The following TFG variants were observed in gnomAD, a reference collection of about 807,000 sequenced individuals.
TFG encodes protein TFG.
In TFG, 22 loss-of-function variants were observed where a neutral mutation model predicts 51.4. That is an observed-to-expected ratio of 0.43 (90% CI 0.31 to 0.61). The LOEUF (loss-of-function observed/expected upper bound fraction) is 0.61, where lower values mean the gene tolerates loss of function less well. Among genes scored for constraint, TFG ranks in the 20% least tolerant of loss-of-function variants. The probability of loss-of-function intolerance (pLI) is 0.12; values close to 1 mark genes in which losing one functional copy is unlikely to be tolerated. For synonymous variants in TFG, 187 were observed against 165.6 expected, an observed-to-expected ratio of 1.13 and a Z score of -0.99; for missense variants, 419 against 487.7, an observed-to-expected ratio of 0.86 and a Z score of 1.33.
intron 7 of TFG, among the ~76,000 whole-genome samples, chr3:100,745,472 TGTTTA>T (rs2095132424): frequency 6.6e-6 from 1 of 152,160 alleles, no homozygotes; most frequent in African/African-American, 2.4e-5. Flanking sequence ...CTAAGAACAT[TGTTTA>T]GTTGTTTTAA....
chr3:100,723,975 T>C (rs2095067960), intron 3 of TFG, among the ~76,000 whole-genome samples: 1 of 152,136 alleles, frequency 6.6e-6, no homozygotes, highest in African/African-American at 2.4e-5. Flanking sequence ...GGACAGAATA[T>C]GTAACCCAAA....
chr3:100,748,376 G>C lies in TFG; in HGVS notation c.1048G>C (p.Ala350Pro), dbSNP rs543542721. The C allele has an allele frequency of 2.3e-5, 37 of 1,614,102 alleles. No individual in the cohort carries two copies. The highest frequency in any genetic ancestry group is 3.1e-5 in the Non-Finnish European group (37 of 1,180,004). ...TVAPASQPGM[A>P]PSQPGAYQPR... ...GGCTCCTGCCTCTCAACCTGGAATG[G>C]CTCCAAGCCAACCTGGGGCCTATCA... Residue 350 changes from alanine (A) to proline (P), a missense_variant, in exon 8 of 8, where the codon GCT becomes CCT. Around this residue, in one of 3 missense-constraint regions of TFG, gnomAD observed 391 missense variants for 434.4 expected, o/e 0.90. Transcript: ENST00000240851.
intron 7 of TFG, among the ~76,000 whole-genome samples, chr3:100,745,342 G>A (rs1019855632): frequency 1.3e-5 from 2 of 152,074 alleles, no homozygotes; most frequent in African/African-American, 2.4e-5. Flanking sequence ...ACATGGAAAG[G>A]TGATGTTATT....
chr3:100,710,193 C>T lies in TFG; in HGVS notation c.-44+472C>T, dbSNP rs569196991. On this transcript the variant is annotated intron_variant, in intron 1 of 7. Coordinates refer to ENST00000240851, the MANE Select transcript of TFG (RefSeq NM_006070.6). ...GGGGTCATAGAATCGGAGCCTAGTT[C>T]CTTGGCTAAGTCAGCGCTTAATCAA... The T allele has an allele frequency of 1.1e-3, 164 of 152,302 alleles. 1 individual carries two copies. Among genetic ancestry groups the T allele is most frequent in the African/African-American group, 3.8e-3 (157 of 41,540 alleles). 9.4% of individuals were successfully genotyped at this position (152,302 alleles called of 1,614,324 possible).
At chr3:100,724,380 TTA>T (rs2095069174) in intron 3 of TFG, among the ~76,000 whole-genome samples, 1 of 152,116 alleles carries the variant, frequency 6.6e-6, no homozygotes, top group African/African-American at 2.4e-5. Context: ...CTTTAAAAAT[TTA>T]TATATACCAT....
chr3:100,729,649 C>A lies in TFG; in HGVS notation c.415+791C>A, dbSNP rs534701398. On this transcript the variant is annotated intron_variant, in intron 4 of 7. Coordinates refer to ENST00000240851, the MANE Select transcript of TFG (RefSeq NM_006070.6). ...ATAATTTTCATAGTTTAAAACTGTCCATATTGTGAAATAGTAATTTAAAAA... is the reference window on the plus strand; with the variant it reads ...ATAATTTTCATAGTTTAAAACTGTCAATATTGTGAAATAGTAATTTAAAAA... Among the ~76,000 whole-genome samples the A allele has an allele frequency of 3.4e-4, 52 of 151,798 alleles. 1 individual carries two copies. The highest frequency in any genetic ancestry group is 8.3e-4 in the South Asian group (4 of 4,806).
intron 3 of TFG, 111 bp from the exon 4 acceptor site, chr3:100,728,601 A>T: frequency 1.2e-6 from 1 of 866,840 alleles, no homozygotes; most frequent in Non-Finnish European, 1.7e-6. Flanking sequence ...TTACATTGAT[A>T]TCTTGTTTTT....
At chr3:100,725,308 A>AATT (rs2095072136) in intron 3 of TFG, among the ~76,000 whole-genome samples, 3 of 152,162 alleles carry the variant, frequency 2.0e-5, no homozygotes, top group African/African-American at 7.2e-5. Flanking sequence ...TACCTATTAT[A>AATT]ATTATATACA....
At chr3:100,737,910 T>G (rs550633066) in intron 6 of TFG, among the ~76,000 whole-genome samples, 1 of 152,214 alleles carries the variant, frequency 6.6e-6, no homozygotes, top group South Asian at 2.1e-4. Context: ...TTTAAAAAAA[T>G]TAGCCAGGTG....
In TFG at chr3:100,722,893, G is replaced by A. The variant is rs2095064753; in HGVS notation, c.268+2835G>A. ...TTCATCAAGAAGGAAATTTAGTCCA[G>A]AAGGTGGTGAAAGATGCAAGAAGCA... On this transcript the variant is annotated intron_variant, in intron 3 of 7. Transcript: ENST00000240851. 1.3e-5 allele frequency among the ~76,000 whole-genome samples: 2 copies of A among 152,190 alleles called. 1 individual carries two copies. Among genetic ancestry groups the A allele is most frequent in the South Asian group, 4.1e-4 (2 of 4,830 alleles).
Position 100,748,570 on chromosome 3 carries a change from T to C in TFG, c.*39T>C, listed in dbSNP as rs2095157298. 1.3e-6 allele frequency: 2 copies of C among 1,555,200 alleles called. No homozygotes were observed. Among genetic ancestry groups the C allele is most frequent in the Non-Finnish European group, 1.7e-6 (2 of 1,149,582 alleles). ...CACCAATTAATGTAGCTGCTAGCTA[T>C]TGGCCTCCCAAAAGACTCCAGTACT... On this transcript the variant is annotated 3_prime_UTR_variant, in exon 8 of 8. Transcript: ENST00000240851.
intron 4 of TFG, among the ~76,000 whole-genome samples, chr3:100,730,484 C>T (rs1559714999): frequency 6.6e-6 from 1 of 152,090 alleles, no homozygotes; most frequent in Non-Finnish European, 1.5e-5. Context: ...TCTGACATAT[C>T]TGATGATAAG....
At chr3:100,718,821 C>T (rs1429684505) in intron 2 of TFG, among the ~76,000 whole-genome samples, 1 of 151,894 alleles carries the variant, frequency 6.6e-6, no homozygotes, top group Non-Finnish European at 1.5e-5. Flanking sequence ...GCCTCCCAAA[C>T]TGCTGGGATT....
Position 100,734,564 on chromosome 3 carries a change from C to A in TFG, c.580+1892C>A, listed in dbSNP as rs145068939. On this transcript the variant is annotated intron_variant, in intron 5 of 7. Transcript: ENST00000240851. ...TCCATTCTAATTTTATTGGGGTAAA[C>A]TCCTCTGGTTTCTGATTGACTTTCA... Among the ~76,000 whole-genome samples, 523 of 152,296 alleles carry A rather than the reference C, an allele frequency of 3.4e-3. 5 individuals carry two copies. Among genetic ancestry groups the A allele is most frequent in the Non-Finnish European group, 5.0e-3 (342 of 68,022 alleles).
At chr3:100,711,697 ACTGGTTCCTTTTACATTATTG>A (rs2095031829) in intron 1 of TFG, among the ~76,000 whole-genome samples, 1 of 152,236 alleles carries the variant, frequency 6.6e-6, no homozygotes, top group Non-Finnish European at 1.5e-5. Context: ...GAAGCTAAGC[ACTGGTTCCTTTTACATTATTG>A]CTGGTTTACA....
intron 6 of TFG, among the ~76,000 whole-genome samples, chr3:100,740,685 C>A (rs1224522170): frequency 6.6e-6 from 1 of 151,936 alleles, no homozygotes; most frequent in African/African-American, 2.4e-5. Context: ...GTGCAGAAGC[C>A]GTTGAGGGTC....
chr3:100,726,360 G>A (rs1037398636), intron 3 of TFG, among the ~76,000 whole-genome samples: 4 of 152,152 alleles, frequency 2.6e-5, no homozygotes, highest in African/African-American at 9.7e-5. Context: ...CACTGAAGAT[G>A]GGTCTTCCTC....
Position 100,728,829 on chromosome 3 carries a change from C to T in TFG, c.386C>T (p.Pro129Leu). ...GATAGCTTGGAACCACCTGGAGAAC[C>T]AGGACCTTCCACCAATATTCCTGAA... is the stretch of plus-strand genomic sequence containing the variant. Reference protein sequence around the residue: ...LLDSLEPPGEPGPSTNIPEND... With the variant: ...LLDSLEPPGELGPSTNIPEND... The change falls in exon 4 of 8, where the codon CCA (proline) becomes CTA (leucine). Residue 129 changes from proline (P) to leucine (L), a missense_variant. Transcript: ENST00000240851. The T allele has an allele frequency of 1.2e-6, 2 of 1,607,248 alleles. No individual in the cohort carries two copies. Among genetic ancestry groups the T allele is most frequent in the Non-Finnish European group, 1.7e-6 (2 of 1,177,094 alleles).
In TFG at chr3:100,732,930, G is replaced by A. The variant is rs144325884; in HGVS notation, c.580+258G>A. The stretch of plus-strand genomic sequence containing the variant: ...TAGCACCCTCCCCCTTAAAGAATAA[G>A]CACTGTTGGGTTCAAGTAAATTTTT... On this transcript the variant is annotated intron_variant, in intron 5 of 7. Coordinates refer to ENST00000240851, the MANE Select transcript of TFG (RefSeq NM_006070.6). Among the ~76,000 whole-genome samples the A allele has an allele frequency of 3.0e-3, 461 of 152,198 alleles. 1 individual carries two copies. The highest frequency in any genetic ancestry group is 4.7e-3 in the Non-Finnish European group (322 of 67,990).
Sources: gnomAD v4.1 joint callset for allele counts (sites outside exome capture counted in the v4.1 genomes callset) on GRCh38, gnomAD v4.1.1 for gene constraint, gnomAD v4.1.1 regional missense constraint, MANE v1.5 for transcripts, NCBI Gene and HGNC (gene_info 2026-07-23, HGNC 2026-07-21) for gene names.